CNTN5: variants seen among roughly 807,000 people sequenced by gnomAD.
CNTN5 encodes contactin 5.
Under a neutral mutation model 129.1 loss-of-function variants are expected in CNTN5, and 77 were observed. The ratio of observed to expected loss-of-function variants is 0.60; its 90% confidence interval spans 0.50 to 0.72. The LOEUF is 0.72. CNTN5 is among the 30% of genes least tolerant of loss of function. The pLI, the probability that CNTN5 is intolerant of heterozygous loss-of-function variation, is 0.00. For synonymous variants in CNTN5, 509 were observed against 465.6 expected (o/e 1.09, Z -1.20); for missense variants, 1,478 against 1,328.8 (o/e 1.11, Z -1.75).
chr11:99,172,754 C>T (rs1861204239), intron 1 of CNTN5, among the ~76,000 whole-genome samples: 1 of 152,098 alleles, frequency 6.6e-6, no homozygotes, highest in Non-Finnish European at 1.5e-5. Flanking sequence ...GAAATCTGTC[C>T]TAGTTGGGGA....
intron 6 of CNTN5, among the ~76,000 whole-genome samples, chr11:99,889,315 TGTGTGTGTGTG>T (rs1948987215): frequency 8.1e-6 from 1 of 123,152 alleles, no homozygotes; most frequent in Non-Finnish European, 1.7e-5. Flanking sequence ...TGTGTGTGTG[TGTGTGTGTGTG>T]TGTGTGTGTG....
At position 99,044,187 on chromosome 11, in the gene CNTN5, G is replaced by A. The variant is rs144734465; in HGVS notation, c.-210+22917G>A. Among the ~76,000 whole-genome samples the A allele has an allele frequency of 2.7e-3, 408 of 152,140 alleles. 1 individual carries two copies. The highest frequency in any genetic ancestry group is 9.3e-3 in the African/African-American group (386 of 41,500). The stretch of plus-strand genomic sequence containing the variant: ...ACCAGGCCTTCCTCTAACATTTGTG[G>A]GGTCTGGGACAAGAATATATATAGT... On this transcript the variant is annotated intron_variant, in intron 1 of 24. Transcript: ENST00000524871.
chr11:99,227,890 G>A (rs533834027), intron 1 of CNTN5, among the ~76,000 whole-genome samples: 55 of 152,096 alleles, frequency 3.6e-4, no homozygotes, highest in Non-Finnish European at 5.6e-4. Context: ...TTAAATATAC[G>A]TGAGTATGTA....
rs553783247 is a variant in CNTN5 at position 99,668,327 on chromosome 11, G to A, written c.55+112058G>A. On this transcript the variant is annotated intron_variant, in intron 3 of 24. Transcript: ENST00000524871. ...AGGGCTAATTGATCACTTACCTCTTGCTGTGTGGTCTGATTCAGACAGCAG... is the reference window on the plus strand; with the variant it reads ...AGGGCTAATTGATCACTTACCTCTTACTGTGTGGTCTGATTCAGACAGCAG... Among the ~76,000 whole-genome samples, 4 of 152,210 alleles carry A rather than the reference G, an allele frequency of 2.6e-5. No homozygotes were observed. In the East Asian group the frequency reaches 5.8e-4, roughly 22 times the overall value.
intron 8 of CNTN5, among the ~76,000 whole-genome samples, chr11:99,960,447 T>C (rs1356442132): frequency 6.6e-6 from 1 of 152,132 alleles, no homozygotes; most frequent in Non-Finnish European, 1.5e-5. Context: ...CTCTATAAAC[T>C]GGAAAATCAA....
chr11:99,634,871 A>G (rs1951493820), intron 3 of CNTN5, among the ~76,000 whole-genome samples: 1 of 152,214 alleles, frequency 6.6e-6, no homozygotes, highest in South Asian at 2.1e-4. Flanking sequence ...CTCCACCCAT[A>G]GCACCTGTTT....
At chr11:99,641,133 C>T (rs1004325465) in intron 3 of CNTN5, among the ~76,000 whole-genome samples, 5 of 152,174 alleles carry the variant, frequency 3.3e-5, no homozygotes, top group Non-Finnish European at 7.3e-5. Flanking sequence ...CTGTGAAGAG[C>T]TTGATCGGAT....
intron 1 of CNTN5, among the ~76,000 whole-genome samples, chr11:99,138,654 A>G (rs1194470620): frequency 1.3e-5 from 2 of 152,210 alleles, no homozygotes; most frequent in Non-Finnish European, 2.9e-5. Context: ...AAACTTGTTC[A>G]AAGAAACTAT....
rs1053224755 is a variant in CNTN5, at chr11:100,020,225, C to A, written c.980+18089C>A. On this transcript the variant is annotated intron_variant, in intron 9 of 24. Transcript: ENST00000524871. ...ATCTTTACAAGGAACAATCAAGAAG[C>A]TTTTTCCTCTGTTTTCTTTCAGCAG... Among the ~76,000 whole-genome samples, 10 of 151,910 alleles carry A rather than the reference C, an allele frequency of 6.6e-5. No homozygotes were observed. The South Asian group carries it at 1.2e-3, about 19-fold the overall frequency.
intron 3 of CNTN5, among the ~76,000 whole-genome samples, chr11:99,788,077 A>G (rs1338471852): frequency 6.6e-6 from 1 of 151,992 alleles, no homozygotes; most frequent in Non-Finnish European, 1.5e-5. Flanking sequence ...AAAAGAATAC[A>G]AAATCTCCCA....
At chr11:99,433,335 C>A (rs1265919882) in intron 2 of CNTN5, among the ~76,000 whole-genome samples, 7 of 132,118 alleles carry the variant, frequency 5.3e-5, no homozygotes, top group African/African-American at 2.0e-4. Context: ...AAACTGTAAT[C>A]ATAATTTTCC....
intron 2 of CNTN5, among the ~76,000 whole-genome samples, chr11:99,438,972 C>G (rs1365719004): frequency 6.6e-6 from 1 of 152,076 alleles, no homozygotes; most frequent in African/African-American, 2.4e-5. Context: ...TAAGCAAAAT[C>G]ACACATAAGT....
chr11:99,081,371 T>C (rs889035147), intron 1 of CNTN5, among the ~76,000 whole-genome samples: 3 of 152,218 alleles, frequency 2.0e-5, no homozygotes, highest in African/African-American at 4.8e-5. Flanking sequence ...GGCAGATGTG[T>C]AGAAAACATT....
chr11:99,598,945 G>GAT (rs1275773750), intron 3 of CNTN5, among the ~76,000 whole-genome samples: 22 of 152,138 alleles, frequency 1.4e-4, no homozygotes, highest in Admixed American at 5.9e-4. Flanking sequence ...TTATGCCTAT[G>GAT]ATATATATGT....
chr11:99,910,720 A>C (rs1322364352), intron 6 of CNTN5, among the ~76,000 whole-genome samples: 1 of 152,110 alleles, frequency 6.6e-6, no homozygotes, highest in Non-Finnish European at 1.5e-5. Flanking sequence ...GGCATAGAGT[A>C]GGTATGTTAG....
chr11:99,854,744 G>T (rs1473489010), intron 6 of CNTN5, among the ~76,000 whole-genome samples: 2 of 152,086 alleles, frequency 1.3e-5, no homozygotes, highest in Admixed American at 6.6e-5. Context: ...TGGTGCTCAG[G>T]AAAGGCAGAT....
rs552772860 is a variant in CNTN5 at position 99,137,748 on chromosome 11, A to G, written c.-210+116478A>G. ...AGTGCTCTGGTGTCTGCCAGATTCT[A>G]TAACACTAATTTTGTCTGTGGTCTT... On this transcript the variant is annotated intron_variant, in intron 1 of 24. Coordinates refer to ENST00000524871, the MANE Select transcript of CNTN5 (RefSeq NM_014361.4). 4.8e-4 allele frequency among the ~76,000 whole-genome samples: 73 copies of G among 152,260 alleles called. 1 individual carries two copies. Among genetic ancestry groups the G allele is most frequent in the Non-Finnish European group, 2.9e-4 (20 of 67,988 alleles).
chr11:99,791,474 G>C (rs1407306746), intron 3 of CNTN5, among the ~76,000 whole-genome samples: 1 of 151,840 alleles, frequency 6.6e-6, no homozygotes, highest in Non-Finnish European at 1.5e-5. Flanking sequence ...ATTATTTTTG[G>C]TCTCTCTATT....
intron 8 of CNTN5, among the ~76,000 whole-genome samples, chr11:99,972,870 G>T (rs1937668275): frequency 6.6e-6 from 1 of 152,064 alleles, no homozygotes; most frequent in Non-Finnish European, 1.5e-5. Flanking sequence ...ATTTTCCACA[G>T]TACTCCCAGA....
Sources: gnomAD v4.1 joint callset for allele counts (sites outside exome capture counted in the v4.1 genomes callset) on GRCh38, gnomAD v4.1.1 for gene constraint, MANE v1.5 for transcripts, NCBI Gene and HGNC (gene_info 2026-07-23, HGNC 2026-07-21) for gene names.